PIK3R6: variants seen among roughly 807,000 people sequenced by gnomAD.
PIK3R6 encodes the protein phosphoinositide 3-kinase regulatory subunit 6.
A neutral mutation model predicts 84.9 loss-of-function variants in PIK3R6; 91 were observed. The ratio of observed to expected loss-of-function variants is 1.07; its 90% CI spans 0.90 to 1.28. The LOEUF (loss-of-function observed/expected upper bound fraction) is 1.28. Among genes scored for constraint, PIK3R6 ranks in the 50% most tolerant of loss-of-function variants. The pLI is 0.00. For missense variants in PIK3R6, 996 were observed against 985.1 expected (o/e 1.01, Z -0.15); for synonymous variants, 416 against 411.4 (o/e 1.01, Z -0.13).
chr17:8,823,294 G>T, intron 14 of PIK3R6, 93 bp downstream of exon 14: 1 of 990,674 alleles, frequency 1.0e-6, no homozygotes, highest in East Asian at 2.6e-5. Context: ...GTGTGTTCAT[G>T]ATTGGTGGCC....
chr17:8,808,767 A>T, intron 18 of PIK3R6, among the ~76,000 whole-genome samples: 1 of 152,222 alleles, frequency 6.6e-6, no homozygotes, highest in Non-Finnish European at 1.5e-5. Flanking sequence ...TGAGCCATGG[A>T]TAGAAATTGA....
rs146493059 is a variant in PIK3R6 at position 8,857,215 on chromosome 17, G to C, written c.-91-7330C>G. 8.4e-4 allele frequency among the ~76,000 whole-genome samples: 128 copies of C among 152,318 alleles called. 1 individual carries two copies. Among genetic ancestry groups the C allele is most frequent in the African/African-American group, 2.8e-3 (118 of 41,560 alleles). The stretch of plus-strand genomic sequence containing the variant: ...ATGCGAACTCGGCAAATACTGGGAT[G>C]GGGCGTGTCTCCTTCACTGCAGCAT... On this transcript the variant is annotated intron_variant, in intron 1 of 19. Coordinates refer to ENST00000619866, the MANE Select transcript of PIK3R6 (RefSeq NM_001010855.4).
chr17:8,855,148 G>A (rs952834196), intron 1 of PIK3R6, among the ~76,000 whole-genome samples: 10 of 151,826 alleles, frequency 6.6e-5, no homozygotes, highest in Admixed American at 2.0e-4. Context: ...AGCTGAGATC[G>A]TGCCACTGGA....
At chr17:8,827,742 GGAGAGA>G (rs150830895) in intron 12 of PIK3R6, among the ~76,000 whole-genome samples, 1 of 90,908 alleles carries the variant, frequency 1.1e-5, no homozygotes, top group Non-Finnish European at 2.2e-5. Flanking sequence ...GGAGGGAAGG[GGAGAGA>G]GAGAGAGAGA....
chr17:8,828,248 TC>T, intron 11 of PIK3R6, 58 bp from the exon 12 acceptor site: 3 of 1,530,866 alleles, frequency 2.0e-6, no homozygotes, highest in Non-Finnish European at 2.7e-6. Flanking sequence ...TCAAACAGAC[TC>T]GGCTCTGCTA....
At chr17:8,837,892 T>C in intron 4 of PIK3R6, 21 bp from the exon 5 acceptor site, 1 of 1,606,150 alleles carries the variant, frequency 6.2e-7, no homozygotes, top group Non-Finnish European at 8.5e-7. Context: ...GGAGATCACG[T>C]GACAGGTATT....
At chr17:8,804,219 C>CT in intron 18 of PIK3R6, 66 bp from the exon 19 acceptor site, 1 of 1,316,566 alleles carries the variant, frequency 7.6e-7, no homozygotes, top group South Asian at 1.2e-5. Flanking sequence ...CCAACATGCC[C>CT]TACCCTGGAA....
chr17:8,828,481 C>T, intron 11 of PIK3R6, 86 bp downstream of exon 11: 1 of 1,498,616 alleles, frequency 6.7e-7, no homozygotes, highest in Non-Finnish European at 9.0e-7. Flanking sequence ...CCTCTCTTGC[C>T]ACCCTGTGAT....
chr17:8,866,936 T>C (rs1411165296), intron 1 of PIK3R6, among the ~76,000 whole-genome samples: 2 of 152,018 alleles, frequency 1.3e-5, no homozygotes, highest in African/African-American at 4.8e-5. Context: ...ACTGGATTTG[T>C]GTATAGGAAG....
intron 1 of PIK3R6, among the ~76,000 whole-genome samples, chr17:8,860,641 AT>A (rs2089258274): frequency 6.6e-6 from 1 of 152,114 alleles, no homozygotes; most frequent in Non-Finnish European, 1.5e-5. Context: ...TAAAAGTCAT[AT>A]TTCATATAAA....
intron 1 of PIK3R6, among the ~76,000 whole-genome samples, chr17:8,860,834 G>T (rs1273939117): frequency 6.6e-6 from 1 of 152,060 alleles, no homozygotes; most frequent in Non-Finnish European, 1.5e-5. Flanking sequence ...GAAGCCGGGG[G>T]CAGTGCCAGG....
intron 8 of PIK3R6, among the ~76,000 whole-genome samples, chr17:8,834,610 C>G (rs1479364091): frequency 6.6e-6 from 1 of 150,970 alleles, no homozygotes; most frequent in Admixed American, 6.6e-5. Flanking sequence ...CCAGGCTGGT[C>G]TCAAACCCCT....
intron 17 of PIK3R6, 99 bp from the exon 18 acceptor site, chr17:8,819,297 C>A: frequency 2.0e-5 from 16 of 797,090 alleles, no homozygotes; most frequent in Non-Finnish European, 3.1e-5. Context: ...TTGACACCCC[C>A]AGCCCTGTCA....
intron 12 of PIK3R6, 99 bp downstream of exon 12, chr17:8,828,013 T>C: frequency 7.9e-7 from 1 of 1,265,736 alleles, no homozygotes; most frequent in Admixed American, 1.8e-5. Flanking sequence ...CTTACTCTAG[T>C]CCCTGAGCCG....
At chr17:8,811,302 A>G (rs1442981872) in intron 18 of PIK3R6, among the ~76,000 whole-genome samples, 1 of 148,140 alleles carries the variant, frequency 6.8e-6, no homozygotes, top group Non-Finnish European at 1.5e-5. Flanking sequence ...AGCCCATGAA[A>G]CCATTTTTTC....
chr17:8,812,039 C>T (rs755310754), intron 18 of PIK3R6, among the ~76,000 whole-genome samples: 8 of 152,206 alleles, frequency 5.3e-5, no homozygotes, highest in Non-Finnish European at 8.8e-5. Flanking sequence ...GGGGAGGCCT[C>T]ACAATCATGG....
chr17:8,835,878 A>G (rs1336232424), intron 7 of PIK3R6, among the ~76,000 whole-genome samples: 2 of 152,060 alleles, frequency 1.3e-5, no homozygotes. Flanking sequence ...CCAGAGAGCC[A>G]ACCTCCCCTA....
At chr17:8,826,219 T>C (rs534739591) in intron 13 of PIK3R6, among the ~76,000 whole-genome samples, 18 of 152,370 alleles carry the variant, frequency 1.2e-4, no homozygotes, top group Non-Finnish European at 2.1e-4. Context: ...TGAGCTGCCC[T>C]GTGTGTAAGT....
intron 1 of PIK3R6, among the ~76,000 whole-genome samples, chr17:8,860,079 T>TA (rs1314706217): frequency 6.6e-5 from 10 of 152,132 alleles, no homozygotes; most frequent in East Asian, 5.8e-4. Context: ...ACTTTTCACA[T>TA]AAAAAACCAT....
Sources: gnomAD v4.1 joint callset for allele counts (sites outside exome capture counted in the v4.1 genomes callset) on GRCh38, gnomAD v4.1.1 for gene constraint, MANE v1.5 for transcripts, NCBI Gene and HGNC (gene_info 2026-07-23, HGNC 2026-07-21) for gene names.